Variants in CSMD3 observed in about 807,000 individuals in gnomAD.
CSMD3 encodes CUB and Sushi multiple domains 3, also known as CUB and sushi domain-containing protein 3.
CSMD3 carries 177 observed loss-of-function variants against 435.2 expected under a neutral mutation model. The observed-to-expected ratio is 0.41, with a 90% CI of 0.36 to 0.46. The LOEUF is 0.46. CSMD3 is among the 20% of genes least tolerant of loss of function. The pLI, the probability that CSMD3 is intolerant of heterozygous loss-of-function variation, is 0.34. For missense variants in CSMD3, 4,265 were observed against 4,504.6 expected (o/e 0.95, Z 1.52); for synonymous variants, 1,656 against 1,520.5 (o/e 1.09, Z -2.07).
At chr8:112,322,959 G>A (rs1206893983) in intron 45 of CSMD3, among the ~76,000 whole-genome samples, 1 of 151,924 alleles carries the variant, frequency 6.6e-6, no homozygotes, top group African/African-American at 2.4e-5. Flanking sequence ...TCTTCAAGAG[G>A]GAAGCAGTCT....
At chr8:113,070,650 A>G (rs1441180179) in intron 5 of CSMD3, among the ~76,000 whole-genome samples, 2 of 152,028 alleles carry the variant, frequency 1.3e-5, no homozygotes, top group Non-Finnish European at 2.9e-5. Flanking sequence ...TCTACCCTGT[A>G]CTTCTATGAG....
At chr8:113,148,591 T>G (rs1434321709) in intron 4 of CSMD3, among the ~76,000 whole-genome samples, 1 of 151,864 alleles carries the variant, frequency 6.6e-6, no homozygotes, top group South Asian at 2.1e-4. Context: ...CAACAAATAG[T>G]GGCTTAAAGA....
chr8:113,346,235 T>C (rs1273035263), intron 1 of CSMD3, among the ~76,000 whole-genome samples: 3 of 152,034 alleles, frequency 2.0e-5, no homozygotes, highest in East Asian at 3.9e-4. Context: ...TTTTAGAATA[T>C]CCTCAATTTA....
chr8:112,410,628 G>GTATATATATATGTA (rs373147062), intron 32 of CSMD3, among the ~76,000 whole-genome samples: 1 of 69,954 alleles, frequency 1.4e-5, no homozygotes, highest in Non-Finnish European at 3.0e-5. Flanking sequence ...ATATATATGT[G>GTATATATATATGTA]TATATATATG....
At chr8:112,765,933 A>G (rs1319786838) in intron 13 of CSMD3, among the ~76,000 whole-genome samples, 1 of 151,684 alleles carries the variant, frequency 6.6e-6, no homozygotes, top group African/African-American at 2.4e-5. Context: ...TGCCTGTAAG[A>G]CCTGATGATT....
chr8:112,745,841 T>G (rs1008826986), intron 13 of CSMD3, among the ~76,000 whole-genome samples: 1 of 152,104 alleles, frequency 6.6e-6, no homozygotes, highest in Non-Finnish European at 1.5e-5. Flanking sequence ...ATGTCTAACA[T>G]AACTTCTAAG....
At chr8:112,652,405 C>A (rs768396783) in intron 18 of CSMD3, among the ~76,000 whole-genome samples, 2 of 152,050 alleles carry the variant, frequency 1.3e-5, no homozygotes, top group Non-Finnish European at 2.9e-5. Flanking sequence ...GTAAAATCGT[C>A]TAAAATCAGA....
chr8:112,719,342 T>A (rs1292326241), intron 13 of CSMD3, among the ~76,000 whole-genome samples: 13 of 151,548 alleles, frequency 8.6e-5, no homozygotes, highest in Admixed American at 8.6e-4. Flanking sequence ...AAAGAAAGAG[T>A]AGGTACACTG....
intron 50 of CSMD3, chr8:112,310,188 A>G (rs1048953332): frequency 1.3e-5 from 2 of 152,208 alleles, no homozygotes; most frequent in African/African-American, 2.4e-5. Context: ...AGACTCAACT[A>G]CTATTTAAAA....
intron 37 of CSMD3, among the ~76,000 whole-genome samples, chr8:112,381,395 T>C (rs1829449504): frequency 6.6e-6 from 1 of 152,208 alleles, no homozygotes; most frequent in East Asian, 1.9e-4. Context: ...TTTCTTGACT[T>C]TGCTATTGAG....
At chr8:112,724,955 G>A (rs1400550377) in intron 13 of CSMD3, among the ~76,000 whole-genome samples, 1 of 152,046 alleles carries the variant, frequency 6.6e-6, no homozygotes, top group Non-Finnish European at 1.5e-5. Flanking sequence ...ACTTAGCAAT[G>A]TAGAGAACAT....
chr8:112,643,733 A>G lies in CSMD3; in HGVS notation c.3310+1376T>C, dbSNP rs184367371. 185 of 155,144 alleles carry G rather than the reference A, an allele frequency of 1.2e-3. 1 individual carries two copies. Among genetic ancestry groups the G allele is most frequent in the African/African-American group, 4.3e-3 (175 of 41,146 alleles). 9.6% of individuals were successfully genotyped at this position (155,144 alleles called of 1,614,324 possible). A position where few individuals can be genotyped will look rare whatever the true frequency, so the allele number is the denominator to read the frequency against. On this transcript the variant is annotated intron_variant, in intron 20 of 70. Coordinates refer to ENST00000297405, the MANE Select transcript of CSMD3 (RefSeq NM_198123.2). ...AAGATTGACAAAAATCACAGTTTAC[A>G]AAGTCTTCTACCTCATTCCTGCTAT...
At chr8:113,146,455 A>G (rs1380288030) in intron 4 of CSMD3, among the ~76,000 whole-genome samples, 2 of 151,640 alleles carry the variant, frequency 1.3e-5, no homozygotes, top group Non-Finnish European at 3.0e-5. Flanking sequence ...AGCTCAATAT[A>G]TCAGAGAATA....
chr8:113,269,492 T>G (rs1377182782), intron 3 of CSMD3, among the ~76,000 whole-genome samples: 8 of 151,924 alleles, frequency 5.3e-5, no homozygotes, highest in African/African-American at 1.5e-4. Flanking sequence ...AAAAGAGCCC[T>G]CATCACCAAG....
intron 31 of CSMD3, among the ~76,000 whole-genome samples, chr8:112,488,819 C>A (rs189491992): frequency 6.6e-6 from 1 of 152,038 alleles, no homozygotes; most frequent in African/African-American, 2.4e-5. Context: ...ATATTATTAT[C>A]TAGAATTGGT....
intron 2 of CSMD3, among the ~76,000 whole-genome samples, chr8:113,295,720 T>A (rs1258078384): frequency 2.6e-5 from 4 of 152,124 alleles, no homozygotes; most frequent in Non-Finnish European, 5.9e-5. Context: ...TGTGATTGCA[T>A]TTTGGTCTCA....
chr8:112,494,568 TTTCTTTTC>T (rs1821142033), intron 30 of CSMD3, among the ~76,000 whole-genome samples: 1 of 142,068 alleles, frequency 7.0e-6, no homozygotes, highest in Admixed American at 7.2e-5. Context: ...TCTTTCTTTC[TTTCTTTTC>T]TTTCTTTCTC....
intron 6 of CSMD3, among the ~76,000 whole-genome samples, chr8:112,983,666 G>T (rs773146024): frequency 2.0e-5 from 3 of 151,550 alleles, no homozygotes; most frequent in Admixed American, 6.6e-5. Context: ...GTTTTGGGGA[G>T]AAGTGTGAAG....
At position 112,552,542 on chromosome 8, in the gene CSMD3, G is replaced by C. The variant is rs1043971737; in HGVS notation, c.4361+52C>G. ...TGGATATTAATTTTATATAGGGGTT[G>C]GTTAGGCACTTCAGATTCCCTAGTA... On this transcript the variant is annotated intron_variant, in intron 26 of 70. Transcript: ENST00000297405. The C allele has an allele frequency of 2.6e-6, 4 of 1,554,210 alleles. No individual in the cohort carries two copies. In the African/African-American group the frequency reaches 4.1e-5, roughly 16 times the overall value.
Sources: allele counts gnomAD v4.1 joint callset (sites outside exome capture counted in the v4.1 genomes callset), GRCh38; gene constraint gnomAD v4.1.1; transcripts MANE v1.5; gene names NCBI Gene and HGNC (gene_info 2026-07-23, HGNC 2026-07-21).